Variants in LINGO2 observed in about 807,000 individuals in gnomAD.
The protein encoded by LINGO2 is leucine rich repeat and Ig domain containing 2.
LINGO2 carries 14 observed loss-of-function variants against 30.6 expected under a neutral mutation model. The observed-to-expected ratio is 0.46, with a 90% CI of 0.30 to 0.72. The LOEUF is 0.72. Ranked by LOEUF, LINGO2 falls within the 30% of genes least tolerant of loss-of-function variation. The pLI is 0.07. For synonymous variants in LINGO2, 317 were observed against 288.5 expected (o/e 1.10, Z -1.00); for missense variants, 729 against 751.7 (o/e 0.97, Z 0.35).
the LINGO2 span, among the ~76,000 whole-genome samples, chr9:28,786,132 A>G: frequency 1.3e-5 from 2 of 152,162 alleles, no homozygotes; most frequent in Non-Finnish European, 2.9e-5. Context: ...GTAATACTCA[A>G]TGGCAATCCA....
At chr9:29,139,301 C>G in the LINGO2 span, among the ~76,000 whole-genome samples, 1 of 152,070 alleles carries the variant, frequency 6.6e-6, no homozygotes, top group African/African-American at 2.4e-5. Context: ...GCTAAATGAC[C>G]CAGATATGGC....
At chr9:28,737,283 A>C in the LINGO2 span, among the ~76,000 whole-genome samples, 1 of 152,216 alleles carries the variant, frequency 6.6e-6, no homozygotes, top group East Asian at 1.9e-4. Flanking sequence ...ATGTGATACT[A>C]AAGCCACAAT....
chr9:29,134,740 T>C, the LINGO2 span, among the ~76,000 whole-genome samples: 2 of 152,060 alleles, frequency 1.3e-5, no homozygotes, highest in Non-Finnish European at 2.9e-5. Flanking sequence ...ACTCAATCTA[T>C]AAAATATGGT....
chr9:28,504,218 T>C (rs935958393), intron 1 of LINGO2, among the ~76,000 whole-genome samples: 19 of 152,046 alleles, frequency 1.2e-4, no homozygotes, highest in African/African-American at 4.3e-4. Context: ...CATACTTCCA[T>C]CATTTCTCTA....
chr9:28,879,992 A>G, the LINGO2 span, among the ~76,000 whole-genome samples: 1 of 152,340 alleles, frequency 6.6e-6, no homozygotes, highest in East Asian at 1.9e-4. Context: ...ATGCCATTGA[A>G]CTTAAATTAT....
intron 1 of LINGO2, among the ~76,000 whole-genome samples, chr9:28,525,806 A>G (rs1320817156): frequency 6.6e-6 from 1 of 152,144 alleles, no homozygotes; most frequent in Non-Finnish European, 1.5e-5. Context: ...CTGTAATCTC[A>G]GCACTTTGGG....
chr9:28,980,752 C>A, the LINGO2 span, among the ~76,000 whole-genome samples: 1 of 152,108 alleles, frequency 6.6e-6, no homozygotes, highest in East Asian at 1.9e-4. Flanking sequence ...CCTTATCCTT[C>A]TTCTCTGCTT....
intron 4 of LINGO2, among the ~76,000 whole-genome samples, chr9:28,023,830 C>T (rs949989473): frequency 6.6e-6 from 1 of 152,086 alleles, no homozygotes; most frequent in Non-Finnish European, 1.5e-5. Context: ...AAGTATGGGG[C>T]CCCCTAAGAT....
chr9:28,320,701 G>T (rs1825009841), intron 3 of LINGO2, among the ~76,000 whole-genome samples: 1 of 152,112 alleles, frequency 6.6e-6, no homozygotes, highest in Non-Finnish European at 1.5e-5. Context: ...TCTATGAATG[G>T]CAGCTTCATT....
At chr9:28,655,436 A>T (rs1828294697) in intron 1 of LINGO2, among the ~76,000 whole-genome samples, 1 of 151,984 alleles carries the variant, frequency 6.6e-6, no homozygotes, top group Admixed American at 6.6e-5. Context: ...TTCGAGTTGG[A>T]CTTTTGAGTT....
At chr9:28,652,342 A>G (rs937669187) in intron 1 of LINGO2, among the ~76,000 whole-genome samples, 1 of 152,182 alleles carries the variant, frequency 6.6e-6, no homozygotes, top group African/African-American at 2.4e-5. Flanking sequence ...GGCACTTTCC[A>G]AAAGTTTAAA....
intron 4 of LINGO2, among the ~76,000 whole-genome samples, chr9:28,153,036 T>C (rs900996479): frequency 1.1e-4 from 16 of 152,166 alleles, no homozygotes; most frequent in Non-Finnish European, 2.1e-4. Flanking sequence ...CGATGCTCAA[T>C]ATTATTAATA....
At chr9:29,007,881 G>C in the LINGO2 span, among the ~76,000 whole-genome samples, 4 of 151,906 alleles carry the variant, frequency 2.6e-5, no homozygotes, top group Admixed American at 6.6e-5. Context: ...ACATTTAAGA[G>C]TAGCCAACAT....
chr9:28,472,143 AC>A lies in LINGO2; in HGVS notation c.-279+3796del, dbSNP rs142276691. Among the ~76,000 whole-genome samples the A allele has an allele frequency of 3.3e-3, 502 of 152,244 alleles. 4 individuals carry two copies. Among genetic ancestry groups the A allele is most frequent in the African/African-American group, 0.011 (462 of 41,564 alleles). On this transcript the variant is annotated intron_variant, in intron 2 of 5. Coordinates refer to ENST00000379992, the Ensembl canonical transcript of LINGO2. The stretch of plus-strand genomic sequence containing the variant: ...TGAGTGGTATTACACAGGTTTGTAG[AC>A]ATTCTGATAATTCATTTAGCTATTC...
At chr9:27,945,760 G>A (rs9644872), downstream of LINGO2, among the ~76,000 whole-genome samples, 68,570 of 151,820 alleles carry the variant, frequency 0.45, 18,347 homozygotes, top group East Asian at 0.58. Flanking sequence ...AAGCACCAGC[G>A]TTTCACTCAA....
chr9:28,988,371 T>C, the LINGO2 span, among the ~76,000 whole-genome samples: 12 of 152,174 alleles, frequency 7.9e-5, no homozygotes. Flanking sequence ...TTGCTTTCCA[T>C]TTGCATAGAA....
the LINGO2 span, among the ~76,000 whole-genome samples, chr9:29,204,653 T>C: frequency 7.2e-5 from 11 of 152,362 alleles, no homozygotes; most frequent in African/African-American, 2.6e-4. Context: ...ACTTACCGTC[T>C]TATTAAACCA....
chr9:29,015,125 A>T, the LINGO2 span, among the ~76,000 whole-genome samples: 1 of 152,072 alleles, frequency 6.6e-6, no homozygotes, highest in African/African-American at 2.4e-5. Flanking sequence ...TAGAGTGTGG[A>T]GTGATAGAAA....
intron 2 of LINGO2, among the ~76,000 whole-genome samples, chr9:28,459,782 G>A (rs1825001734): frequency 6.6e-6 from 1 of 151,932 alleles, no homozygotes; most frequent in Non-Finnish European, 1.5e-5. Flanking sequence ...AAACTTCAAA[G>A]TATTTATACC....
Sources: gnomAD v4.1 joint callset for allele counts (sites outside exome capture counted in the v4.1 genomes callset) on GRCh38, gnomAD v4.1.1 for gene constraint, MANE v1.5 for transcripts, NCBI Gene and HGNC (gene_info 2026-07-23, HGNC 2026-07-21) for gene names.